Variants in TDRD7 observed in about 807,000 individuals in gnomAD.
TDRD7 encodes the protein tudor domain containing 7.
A neutral mutation model predicts 109.8 loss-of-function variants in TDRD7; 47 were observed. The ratio of observed to expected loss-of-function variants is 0.43; its 90% CI spans 0.34 to 0.55. TDRD7 has a LOEUF of 0.55. TDRD7 is among the 20% of genes least tolerant of loss of function. TDRD7 has a pLI of 0.03. For synonymous variants in TDRD7, 424 were observed against 457.3 expected (o/e 0.93, Z 0.93); for missense variants, 1,164 against 1,319.2 (o/e 0.88, Z 1.82).
chr9:97,479,454 C>T (rs558095829), intron 13 of TDRD7, among the ~76,000 whole-genome samples: 2 of 152,322 alleles, frequency 1.3e-5, no homozygotes, highest in South Asian at 4.1e-4. Flanking sequence ...GAAAAGATCC[C>T]CTGGGCTGGA....
At chr9:97,463,943 C>A (rs978052290) in intron 7 of TDRD7, among the ~76,000 whole-genome samples, 2 of 152,134 alleles carry the variant, frequency 1.3e-5, no homozygotes, top group African/African-American at 2.4e-5. Context: ...TGTTCAAATT[C>A]TTTAATAAGT....
chr9:97,490,919 T>C (rs938833615), intron 16 of TDRD7, among the ~76,000 whole-genome samples: 2 of 136,934 alleles, frequency 1.5e-5, no homozygotes, highest in Admixed American at 1.4e-4. Context: ...CTTTTTTTTT[T>C]TTTTTTTTTT....
chr9:97,460,585 T>A lies in TDRD7; in HGVS notation c.1263T>A (p.His421Gln). The change falls in exon 7 of 17, where the codon CAT becomes CAA. Residue 421 changes from histidine to glutamine, a missense_variant. Coordinates refer to ENST00000355295, the MANE Select transcript of TDRD7 (RefSeq NM_014290.3). The part of the protein sequence containing the change: ...DKIQKDAGQA[H>Q]GDNDIKAMVE... ...TCCAAAAGGATGCAGGGCAAGCACA[T>A]GGTGATAATGATATCAAGGCTATGG... 1.9e-6 allele frequency: 3 copies of A among 1,614,146 alleles called. No homozygotes were observed. Among genetic ancestry groups the A allele is most frequent in the Non-Finnish European group, 2.5e-6 (3 of 1,180,012 alleles).
At chr9:97,481,245 C>T (rs1257231518) in intron 14 of TDRD7, among the ~76,000 whole-genome samples, 1 of 152,206 alleles carries the variant, frequency 6.6e-6, no homozygotes, top group African/African-American at 2.4e-5. Context: ...ATTAAGTCCC[C>T]AACAGAGGGA....
At chr9:97,434,291 T>C (rs1322280156) in intron 4 of TDRD7, among the ~76,000 whole-genome samples, 2 of 152,144 alleles carry the variant, frequency 1.3e-5, no homozygotes, top group African/African-American at 4.8e-5. Context: ...TTATCTTATA[T>C]GTGGAATCTA....
intron 2 of TDRD7, among the ~76,000 whole-genome samples, chr9:97,430,549 C>T (rs1188005606): frequency 6.6e-6 from 1 of 152,186 alleles, no homozygotes; most frequent in Admixed American, 6.5e-5. Flanking sequence ...GCTTAACTTT[C>T]CCGAGCCTCT....
intron 8 of TDRD7, among the ~76,000 whole-genome samples, chr9:97,467,468 C>T (rs1379891820): frequency 6.6e-6 from 1 of 152,290 alleles, no homozygotes; most frequent in East Asian, 1.9e-4. Context: ...GATTGCTTAT[C>T]TGTAAATTCA....
At chr9:97,454,895 A>G (rs1828576977) in intron 6 of TDRD7, among the ~76,000 whole-genome samples, 2 of 152,194 alleles carry the variant, frequency 1.3e-5, no homozygotes, top group Non-Finnish European at 2.9e-5. Context: ...ATCCAAGAGC[A>G]GTTTTTCTTT....
intron 9 of TDRD7, among the ~76,000 whole-genome samples, chr9:97,471,936 G>T (rs1828922444): frequency 6.6e-6 from 1 of 152,136 alleles, no homozygotes. Flanking sequence ...ACAAACATAT[G>T]ACTGGAAGAC....
At chr9:97,493,446 C>G (rs930553767) in intron 16 of TDRD7, among the ~76,000 whole-genome samples, 1 of 151,840 alleles carries the variant, frequency 6.6e-6, no homozygotes, top group Non-Finnish European at 1.5e-5. Flanking sequence ...GGGTGTGGGT[C>G]GCAGAGATCA....
chr9:97,473,710 A>AT (rs896366461), intron 11 of TDRD7, 84 bp downstream of exon 11: 38 of 1,586,040 alleles, frequency 2.4e-5, no homozygotes, highest in East Asian at 1.4e-4. Context: ...AGTATGAACA[A>AT]TTTTTTTTGT....
intron 1 of TDRD7, among the ~76,000 whole-genome samples, chr9:97,424,310 C>T (rs1173468477): frequency 1.3e-5 from 2 of 152,052 alleles, no homozygotes; most frequent in Non-Finnish European, 2.9e-5. Context: ...CCCACCTCGG[C>T]CTCCCAAAGT....
intron 6 of TDRD7, among the ~76,000 whole-genome samples, chr9:97,451,018 C>A (rs1439213174): frequency 1.3e-5 from 2 of 151,832 alleles, no homozygotes; most frequent in Non-Finnish European, 2.9e-5. Context: ...GACTTTCAGC[C>A]CCAACCAACC....
chr9:97,428,504 T>C lies in TDRD7; in HGVS notation c.39T>C (p.Ala13=), dbSNP rs1208124945. ...ATCTGGTTTCAAAGATGCTACGAGCTGTTCTGCAGTCTCATAAGAATGGAG... is the reference window on the plus strand; with the variant it reads ...ATCTGGTTTCAAAGATGCTACGAGCCGTTCTGCAGTCTCATAAGAATGGAG... ...EGDLVSKMLR[A]VLQSHKNGVA... Residue 13 remains alanine, a synonymous_variant, in exon 2 of 17, where the codon GCT becomes GCC. Transcript: ENST00000355295. 1 of 1,613,964 alleles carries C rather than the reference T, an allele frequency of 6.2e-7. No homozygotes were observed. Among genetic ancestry groups the C allele is most frequent in the Non-Finnish European group, 8.5e-7 (1 of 1,179,958 alleles).
At chr9:97,494,725 T>TAG (rs1564219974) in intron 16 of TDRD7, among the ~76,000 whole-genome samples, 1 of 45,850 alleles carries the variant, frequency 2.2e-5, no homozygotes, top group African/African-American at 1.0e-4. Flanking sequence ...TTTTTTTTTT[T>TAG]CGAGAGGGTC....
At position 97,464,982 on chromosome 9, in the gene TDRD7, C is replaced by T. The variant is rs374337717; in HGVS notation, c.1583C>T (p.Ala528Val). 217 of 1,613,942 alleles carry T rather than the reference C, an allele frequency of 1.3e-4. No individual in the cohort carries two copies. The highest frequency in any genetic ancestry group is 1.7e-4 in the Non-Finnish European group (197 of 1,180,008). ...QLLAVNAEEDAWLRAQVISTE... is the reference protein window; with the variant it reads ...QLLAVNAEEDVWLRAQVISTE... ...CTGGCCGTAAATGCCGAGGAGGACG[C>T]CTGGTTACGGGCACAGGTCATCTCA... Residue 528 changes from alanine (A) to valine (V), a missense_variant, in exon 8 of 17, where the codon GCC becomes GTC. This residue lies in a region of TDRD7 where 261 missense variants were observed against 336.2 expected (regional missense o/e 0.78). Coordinates refer to ENST00000355295, the MANE Select transcript of TDRD7 (RefSeq NM_014290.3).
intron 1 of TDRD7, among the ~76,000 whole-genome samples, chr9:97,423,726 A>G (rs1827936379): frequency 6.6e-6 from 1 of 152,126 alleles, no homozygotes; most frequent in African/African-American, 2.4e-5. Flanking sequence ...TTTATTTAAA[A>G]ATATTTTTCT....
intron 1 of TDRD7, among the ~76,000 whole-genome samples, chr9:97,417,157 T>A (rs1827824540): frequency 1.3e-5 from 2 of 152,062 alleles, no homozygotes; most frequent in African/African-American, 4.8e-5. Context: ...AAAGCCCTGT[T>A]GTGAGGCCAT....
At chr9:97,458,447 G>T (rs952865246) in intron 6 of TDRD7, among the ~76,000 whole-genome samples, 1 of 152,128 alleles carries the variant, frequency 6.6e-6, no homozygotes, top group African/African-American at 2.4e-5. Flanking sequence ...TAAAACATGG[G>T]TCTCTAGAGA....
Sources: gnomAD v4.1 joint callset for allele counts (sites outside exome capture counted in the v4.1 genomes callset) on GRCh38, gnomAD v4.1.1 for gene constraint, gnomAD v4.1.1 regional missense constraint, MANE v1.5 for transcripts, NCBI Gene and HGNC (gene_info 2026-07-23, HGNC 2026-07-21) for gene names.